The following PIK3CA variants were observed in gnomAD, a reference collection of about 807,000 sequenced individuals.
The protein encoded by PIK3CA is phosphatidylinositol 4,5-bisphosphate 3-kinase catalytic subunit alpha isoform.
Under a neutral mutation model 138.2 loss-of-function variants are expected in PIK3CA, and 27 were observed. That is an observed-to-expected ratio of 0.20 (90% CI 0.14 to 0.27). The LOEUF is 0.27. Ranked by LOEUF, PIK3CA falls within the 10% of genes least tolerant of loss-of-function variation. The pLI is 1.00. For missense variants in PIK3CA, 544 were observed against 1,277.4 expected (o/e 0.43, Z 8.75); for synonymous variants, 358 against 413.2 (o/e 0.87, Z 1.62).
intron 4 of PIK3CA, among the ~76,000 whole-genome samples, chr3:179,202,769 A>G (rs911942740): frequency 2.0e-5 from 3 of 152,190 alleles, no homozygotes; most frequent in African/African-American, 4.8e-5. Flanking sequence ...TTTTAATTTT[A>G]GCAAAACTAA....
chr3:179,170,076 G>GCGCACACACACACA (rs1553815527), intron 1 of PIK3CA, among the ~76,000 whole-genome samples: 2 of 139,210 alleles, frequency 1.4e-5, no homozygotes, highest in African/African-American at 6.0e-5. Flanking sequence ...ACGCGCGCGC[G>GCGCACACACACACA]CACACACACA....
intron 4 of PIK3CA, among the ~76,000 whole-genome samples, chr3:179,202,337 T>G (rs1039042375): frequency 3.3e-5 from 5 of 152,354 alleles, no homozygotes; most frequent in Middle Eastern, 3.4e-3. Flanking sequence ...CCCACAGTGC[T>G]GGGATTACAG....
chr3:179,209,681 G>C lies in PIK3CA; in HGVS notation c.1232G>C (p.Gly411Ala), dbSNP rs1263777602. 1.2e-6 allele frequency: 2 copies of C among 1,607,924 alleles called. No homozygotes were observed. Among genetic ancestry groups the C allele is most frequent in the Non-Finnish European group, 1.7e-6 (2 of 1,175,466 alleles). The change falls in exon 7 of 21, where the codon GGC becomes GCC. Residue 411 changes from glycine to alanine, a missense_variant. Gly to Ala is a moderately conservative substitution (Grantham distance 60). Coordinates refer to ENST00000263967, the MANE Select transcript of PIK3CA (RefSeq NM_006218.4). ...TGCCTTTCCATTTGCTCTGTTAAAG[G>C]CCGAAAGGGTGCTAAAGAGGTAAAG... ...RLCLSICSVK[G>A]RKGAKEEHCP...
chr3:179,177,836 T>C (rs1723737016), intron 1 of PIK3CA, among the ~76,000 whole-genome samples: 1 of 152,030 alleles, frequency 6.6e-6, no homozygotes, highest in Admixed American at 6.6e-5. Flanking sequence ...TAGTTTTTGC[T>C]CATCAAAAGA....
At chr3:179,158,723 A>G (rs1013540179) in intron 1 of PIK3CA, among the ~76,000 whole-genome samples, 1 of 152,156 alleles carries the variant, frequency 6.6e-6, no homozygotes, top group African/African-American at 2.4e-5. Context: ...CAAGTCATTT[A>G]TGTAAAAATA....
In PIK3CA at chr3:179,203,692, A is replaced by G. The variant is rs369596123; in HGVS notation, c.962A>G (p.Glu321Gly). Residue 321 changes from glutamate to glycine, a missense_variant, in exon 5 of 21, where the codon GAA becomes GGA. Coordinates refer to ENST00000263967, the MANE Select transcript of PIK3CA (RefSeq NM_006218.4). ...ACAGCTACACCATATATGAATGGAGAAACATCTACAAAATCCCTTTGGGTT... is the reference window on the plus strand; with the variant it reads ...ACAGCTACACCATATATGAATGGAGGAACATCTACAAAATCCCTTTGGGTT... ...ISTATPYMNG[E>G]TSTKSLWVIN... The G allele has an allele frequency of 6.2e-7, 1 of 1,613,670 alleles. No individual in the cohort carries two copies. The highest frequency in any genetic ancestry group is 8.5e-7 in the Non-Finnish European group (1 of 1,179,888).
At chr3:179,185,461 G>C (rs920891734) in intron 1 of PIK3CA, among the ~76,000 whole-genome samples, 1 of 152,200 alleles carries the variant, frequency 6.6e-6, no homozygotes, top group African/African-American at 2.4e-5. Context: ...CCAACAATCA[G>C]TCAGTTGATT....
chr3:179,171,066 A>G (rs1576918814), intron 1 of PIK3CA, among the ~76,000 whole-genome samples: 1 of 152,190 alleles, frequency 6.6e-6, no homozygotes, highest in East Asian at 1.9e-4. Flanking sequence ...GTTTTAATAA[A>G]TATGGAAGAA....
At chr3:179,152,520 C>G (rs1362064824) in intron 1 of PIK3CA, among the ~76,000 whole-genome samples, 2 of 152,112 alleles carry the variant, frequency 1.3e-5, no homozygotes, top group African/African-American at 4.8e-5. Flanking sequence ...GGCAGGATTA[C>G]TTTGGACAGA....
intron 1 of PIK3CA, among the ~76,000 whole-genome samples, chr3:179,149,344 G>C (rs1437338126): frequency 2.0e-5 from 3 of 152,098 alleles, no homozygotes; most frequent in Non-Finnish European, 2.9e-5. Context: ...GCCCGGGATT[G>C]GGCTATGTAA....
At chr3:179,233,202 TATG>T (rs1217683068) in intron 20 of PIK3CA, 1 of 396,970 alleles carries the variant, frequency 2.5e-6, no homozygotes, top group Admixed American at 4.4e-5. Context: ...TTTCTAGGTA[TATG>T]ATTATGTCAT....
intron 3 of PIK3CA, among the ~76,000 whole-genome samples, chr3:179,200,963 G>A (rs1490459376): frequency 6.6e-6 from 1 of 152,034 alleles, no homozygotes; most frequent in Admixed American, 6.5e-5. Flanking sequence ...AAACCTTTGA[G>A]ACCATCATGA....
At chr3:179,183,596 A>C (rs1323946106) in intron 1 of PIK3CA, among the ~76,000 whole-genome samples, 1 of 152,232 alleles carries the variant, frequency 6.6e-6, no homozygotes, top group Non-Finnish European at 1.5e-5. Flanking sequence ...TCAGTGCACT[A>C]TACATTCTGT....
intron 1 of PIK3CA, among the ~76,000 whole-genome samples, chr3:179,166,314 G>A (rs926658960): frequency 1.3e-5 from 2 of 152,056 alleles, no homozygotes; most frequent in African/African-American, 2.4e-5. Context: ...GAGAATAACT[G>A]TAAAATTACC....
chr3:179,207,396 T>G (rs1230435684), intron 6 of PIK3CA, among the ~76,000 whole-genome samples: 1 of 152,202 alleles, frequency 6.6e-6, no homozygotes, highest in Non-Finnish European at 1.5e-5. Context: ...AAACATGCTT[T>G]ATTTTGTTAG....
rs1466674067 is a variant in PIK3CA at position 179,210,574 on chromosome 3, A to T, written c.1539+9A>T. 6.2e-7 allele frequency: 1 copy of T among 1,611,988 alleles called. No individual in the cohort carries two copies. Among genetic ancestry groups the T allele is most frequent in the South Asian group, 1.1e-5 (1 of 90,638 alleles). ...ATTCCCACGCAGGACTGGTAAGGCA[A>T]ATCACTGAGTTTATTAAGTATCAAT... On this transcript the variant is annotated intron_variant, in intron 9 of 20. Transcript: ENST00000263967.
intron 1 of PIK3CA, among the ~76,000 whole-genome samples, chr3:179,171,827 A>G (rs1378252452): frequency 6.6e-6 from 1 of 152,144 alleles, no homozygotes; most frequent in Non-Finnish European, 1.5e-5. Flanking sequence ...AAAAAATACA[A>G]GTCCCAACCA....
intron 1 of PIK3CA, among the ~76,000 whole-genome samples, chr3:179,156,568 T>C (rs1723144171): frequency 6.6e-6 from 1 of 152,216 alleles, no homozygotes; most frequent in Non-Finnish European, 1.5e-5. Context: ...CTATCCTCAG[T>C]TGTGCAGATA....
At chr3:179,169,732 T>C (rs765240287) in intron 1 of PIK3CA, among the ~76,000 whole-genome samples, 24 of 152,234 alleles carry the variant, frequency 1.6e-4, no homozygotes, top group Non-Finnish European at 3.2e-4. Flanking sequence ...GCTAGCCCCT[T>C]CTCATTACTC....
Sources: gnomAD v4.1 joint callset for allele counts (sites outside exome capture counted in the v4.1 genomes callset) on GRCh38, gnomAD v4.1.1 for gene constraint, MANE v1.5 for transcripts, NCBI Gene and HGNC (gene_info 2026-07-23, HGNC 2026-07-21) for gene names.